CNKSR3: variants seen among roughly 807,000 people sequenced by gnomAD.
The protein encoded by CNKSR3 is connector enhancer of kinase suppressor of ras 3.
A neutral mutation model predicts 67.7 loss-of-function variants in CNKSR3; 36 were observed. The observed-to-expected ratio is 0.53, with a 90% CI of 0.41 to 0.70. The LOEUF (loss-of-function observed/expected upper bound fraction) is 0.70. Among genes scored for constraint, CNKSR3 ranks in the 30% least tolerant of loss-of-function variants. The pLI is 0.00. For synonymous variants in CNKSR3, 281 were observed against 271.4 expected, an observed-to-expected ratio of 1.04 and a Z score of -0.35; for missense variants, 630 against 695.2, an observed-to-expected ratio of 0.91 and a Z score of 1.05.
chr6:154,411,442 T>C (rs1306974964), intron 10 of CNKSR3, among the ~76,000 whole-genome samples: 1 of 150,776 alleles, frequency 6.6e-6, no homozygotes, highest in Non-Finnish European at 1.5e-5. Flanking sequence ...AGGTCAGGAG[T>C]TCAAGACCAG....
intron 1 of CNKSR3, among the ~76,000 whole-genome samples, chr6:154,490,432 TATATATG>T (rs1786762330): frequency 6.6e-6 from 1 of 152,222 alleles, no homozygotes; most frequent in African/African-American, 2.4e-5. Flanking sequence ...ATTATGCATG[TATATATG>T]ATATATAATA....
chr6:154,468,648 G>A (rs567824108), intron 1 of CNKSR3, among the ~76,000 whole-genome samples: 4 of 152,040 alleles, frequency 2.6e-5, no homozygotes, highest in African/African-American at 7.2e-5. Flanking sequence ...CCACCTCCTA[G>A]AACAGATTCT....
At chr6:154,495,021 G>A (rs1183161687) in intron 1 of CNKSR3, among the ~76,000 whole-genome samples, 1 of 152,296 alleles carries the variant, frequency 6.6e-6, no homozygotes, top group East Asian at 1.9e-4. Context: ...GACTTAGGCT[G>A]CATTGTACAG....
At chr6:154,450,058 C>G in intron 2 of CNKSR3, 37 bp downstream of exon 2, 1 of 1,584,444 alleles carries the variant, frequency 6.3e-7, no homozygotes, top group Non-Finnish European at 8.6e-7. Context: ...CTCTAAAGAA[C>G]GTCATCACGG....
At chr6:154,479,909 C>G (rs1376669941) in intron 1 of CNKSR3, among the ~76,000 whole-genome samples, 1 of 152,228 alleles carries the variant, frequency 6.6e-6, no homozygotes, top group Non-Finnish European at 1.5e-5. Context: ...CCCAGACTCC[C>G]TCACACGGTG....
chr6:154,441,465 T>A, intron 3 of CNKSR3, 86 bp from the exon 4 acceptor site: 2 of 917,934 alleles, frequency 2.2e-6, no homozygotes, highest in Non-Finnish European at 3.5e-6. Flanking sequence ...AGCTACCCCA[T>A]GGGCTACTCT....
At chr6:154,444,423 T>A (rs1006332506) in intron 2 of CNKSR3, among the ~76,000 whole-genome samples, 1 of 152,178 alleles carries the variant, frequency 6.6e-6, no homozygotes, top group African/African-American at 2.4e-5. Context: ...AGCTTTTGAT[T>A]ACTCTGCTGT....
rs745630820 is a variant in CNKSR3 at position 154,406,616 on chromosome 6, C to T, written c.1406G>A (p.Arg469Gln). 9.3e-6 allele frequency: 15 copies of T among 1,613,752 alleles called. No homozygotes were observed. Among genetic ancestry groups the T allele is most frequent in the East Asian group, 2.2e-5 (1 of 44,884 alleles). ...DALCRYFSNE[R>Q]IPPIIEESSS... ...GCTCTCTTCAATGATCGGAGGAATC[C>T]GCTCGTTACTGAAATACCGGCAAAG... Residue 469 changes from arginine to glutamine, a missense_variant, in exon 13 of 13, where the codon CGG (arginine) becomes CAG (glutamine). Physicochemically the swap from Arg to Gln is conservative, Grantham distance 43. Coordinates refer to ENST00000607772, the MANE Select transcript of CNKSR3 (RefSeq NM_173515.4).
rs878964299 is a variant in CNKSR3 at position 154,422,899 on chromosome 6, C to T, written c.798+16G>A. 4 of 1,582,982 alleles carry T rather than the reference C, an allele frequency of 2.5e-6. No individual in the cohort carries two copies. The highest frequency in any genetic ancestry group is 4.5e-5 in the East Asian group (2 of 44,740). ...AGTTTTAAGGAGGAAAATTGAGCCT[C>T]AATAAACAAACTCACCACAGTTTGC... On this transcript the variant is annotated intron_variant, in intron 8 of 12. Transcript: ENST00000607772.
chr6:154,489,614 T>C (rs2114647625), intron 1 of CNKSR3, among the ~76,000 whole-genome samples: 1 of 152,258 alleles, frequency 6.6e-6, no homozygotes, highest in East Asian at 1.9e-4. Context: ...AAATACTAGG[T>C]ACACTGAAAT....
intron 12 of CNKSR3, 61 bp downstream of exon 12, chr6:154,410,282 C>G (rs1784881913): frequency 8.3e-7 from 1 of 1,202,818 alleles, no homozygotes; most frequent in South Asian, 1.2e-5. Flanking sequence ...GAGGTGAAAC[C>G]AGGCCCTGGG....
chr6:154,428,487 T>C (rs1785299865), intron 6 of CNKSR3, among the ~76,000 whole-genome samples: 1 of 151,988 alleles, frequency 6.6e-6, no homozygotes. Context: ...ACAGGATGAG[T>C]GAATGAGTGA....
chr6:154,485,983 T>C (rs990335720), intron 1 of CNKSR3, among the ~76,000 whole-genome samples: 18 of 152,216 alleles, frequency 1.2e-4, no homozygotes, highest in African/African-American at 3.9e-4. Flanking sequence ...GCATACCCAC[T>C]ACATCGTGGA....
intron 4 of CNKSR3, among the ~76,000 whole-genome samples, chr6:154,434,996 CTT>C (rs367990649): frequency 3.1e-4 from 43 of 136,634 alleles, no homozygotes; most frequent in Admixed American, 4.5e-4. Context: ...CTACAAATTC[CTT>C]TTTTTTTTTT....
At chr6:154,457,262 C>T (rs990149829) in intron 1 of CNKSR3, among the ~76,000 whole-genome samples, 2 of 152,170 alleles carry the variant, frequency 1.3e-5, no homozygotes, top group African/African-American at 2.4e-5. Context: ...GGTAGGCCTC[C>T]GAGTGCCCTT....
chr6:154,455,498 T>C (rs1362950428), intron 1 of CNKSR3, among the ~76,000 whole-genome samples: 1 of 151,808 alleles, frequency 6.6e-6, no homozygotes, highest in African/African-American at 2.4e-5. Context: ...TTTTTTTTTT[T>C]CAGACAGAGT....
At chr6:154,445,582 A>G (rs1785692403) in intron 2 of CNKSR3, among the ~76,000 whole-genome samples, 1 of 152,246 alleles carries the variant, frequency 6.6e-6, no homozygotes, top group Middle Eastern at 3.2e-3. Flanking sequence ...AATTACTTGG[A>G]ACTTTTATTA....
In CNKSR3 at chr6:154,422,721, T is replaced by G. The variant is rs1210312782; in HGVS notation, c.799-69A>C. 2.6e-6 allele frequency: 4 copies of G among 1,539,668 alleles called. No homozygotes were observed. In the African/African-American group the frequency reaches 5.5e-5, roughly 21 times the overall value. ...ACGAAAAAAACCGAACCTATGAATT[T>G]ATCTCAGGGCAGTCAGGGTTGTGAG... is the stretch of plus-strand genomic sequence containing the variant. On this transcript the variant is annotated intron_variant, in intron 8 of 12. Coordinates refer to ENST00000607772, the MANE Select transcript of CNKSR3 (RefSeq NM_173515.4).
At chr6:154,451,374 T>TA in intron 1 of CNKSR3, among the ~76,000 whole-genome samples, 1 of 152,362 alleles carries the variant, frequency 6.6e-6, no homozygotes, top group Non-Finnish European at 1.5e-5. Context: ...AAAAGTGTTT[T>TA]AAAAGTTATA....
Sources: allele counts gnomAD v4.1 joint callset (sites outside exome capture counted in the v4.1 genomes callset), GRCh38; gene constraint gnomAD v4.1.1; transcripts MANE v1.5; gene names NCBI Gene and HGNC (gene_info 2026-07-23, HGNC 2026-07-21).